The following AATF variants were observed in gnomAD, a reference collection of about 807,000 sequenced individuals.
AATF encodes apoptosis antagonizing transcription factor, also known as protein AATF.
AATF carries 48 observed loss-of-function variants against 63.7 expected under a neutral mutation model. The ratio of observed to expected loss-of-function variants is 0.75; its 90% confidence interval spans 0.60 to 0.96. The LOEUF is 0.96. Among genes scored for constraint, AATF ranks in the 40% least tolerant of loss-of-function variants. The pLI, the probability that AATF is intolerant of heterozygous loss-of-function variation, is 0.00. For synonymous variants in AATF, 258 were observed against 247.7 expected, an observed-to-expected ratio of 1.04 and a Z score of -0.39; for missense variants, 639 against 685.7, an observed-to-expected ratio of 0.93 and a Z score of 0.76.
intron 4 of AATF, among the ~76,000 whole-genome samples, chr17:36,954,273 G>T (rs2070882013): frequency 6.6e-6 from 1 of 151,800 alleles, no homozygotes; most frequent in African/African-American, 2.4e-5. Context: ...GTAGAGACAG[G>T]GTCTCACTGT....
intron 4 of AATF, among the ~76,000 whole-genome samples, chr17:36,977,687 C>A (rs1017854416): frequency 6.6e-6 from 1 of 152,072 alleles, no homozygotes; most frequent in Non-Finnish European, 1.5e-5. Flanking sequence ...ATGAAAGTAT[C>A]CGCACTCTCC....
At chr17:37,042,595 T>TC (rs1041226992) in intron 11 of AATF, among the ~76,000 whole-genome samples, 1 of 149,780 alleles carries the variant, frequency 6.7e-6, no homozygotes, top group African/African-American at 2.5e-5. Context: ...TTTTTTTTTT[T>TC]CCTGTAGAGA....
intron 8 of AATF, among the ~76,000 whole-genome samples, chr17:36,998,279 T>G (rs1446463968): frequency 6.6e-6 from 1 of 152,202 alleles, no homozygotes; most frequent in Non-Finnish European, 1.5e-5. Flanking sequence ...ATTTTAAAGT[T>G]GGATAGCGTC....
At chr17:36,958,121 C>T (rs1451886077) in intron 4 of AATF, among the ~76,000 whole-genome samples, 1 of 152,014 alleles carries the variant, frequency 6.6e-6, no homozygotes, top group Non-Finnish European at 1.5e-5. Context: ...TTTCTGTGCA[C>T]AAAACCATTT....
At chr17:37,018,433 T>C (rs149320014) in intron 8 of AATF, among the ~76,000 whole-genome samples, 1 of 152,362 alleles carries the variant, frequency 6.6e-6, no homozygotes, top group East Asian at 1.9e-4. Context: ...ATGAATGTGT[T>C]GGTATCATGT....
At chr17:37,034,841 GA>G (rs1199867565) in intron 11 of AATF, 1 of 152,078 alleles carries the variant, frequency 6.6e-6, no homozygotes, top group African/African-American at 2.4e-5. Flanking sequence ...AATCAAAAAA[GA>G]AGGTCGGGCA....
At chr17:36,964,927 C>T (rs1300069740) in intron 4 of AATF, among the ~76,000 whole-genome samples, 2 of 152,110 alleles carry the variant, frequency 1.3e-5, no homozygotes, top group Non-Finnish European at 2.9e-5. Flanking sequence ...CTACCGCTTT[C>T]GGGTTTTCAG....
At chr17:36,972,455 A>C (rs761066952) in intron 4 of AATF, among the ~76,000 whole-genome samples, 7 of 152,214 alleles carry the variant, frequency 4.6e-5, no homozygotes, top group Non-Finnish European at 8.8e-5. Context: ...TTCTGGCTTC[A>C]CACCCATTTG....
At chr17:37,011,464 G>A (rs571895322) in intron 8 of AATF, among the ~76,000 whole-genome samples, 4 of 152,166 alleles carry the variant, frequency 2.6e-5, no homozygotes, top group African/African-American at 7.2e-5. Flanking sequence ...GGACAAATTC[G>A]TGAATATAAG....
chr17:37,012,348 C>T (rs1258768580), intron 8 of AATF, among the ~76,000 whole-genome samples: 4 of 152,148 alleles, frequency 2.6e-5, no homozygotes, highest in Non-Finnish European at 4.4e-5. Context: ...CCACCACACC[C>T]GGCCCTTTTG....
rs961222897 is a variant in AATF at position 37,010,834 on chromosome 17, G to A, written c.1399-8171G>A. Among the ~76,000 whole-genome samples, 8 of 152,310 alleles carry A rather than the reference G, an allele frequency of 5.3e-5. No individual in the cohort carries two copies. The South Asian group carries it at 6.2e-4, about 12-fold the overall frequency. ...TGTGAGGGCCCACGGAGCATTTCAC[G>A]TACAGAATGAAGCCTGGTGGGCCTG... On this transcript the variant is annotated intron_variant, in intron 8 of 11. Transcript: ENST00000619387.
At chr17:37,050,640 G>T (rs9897327) in intron 11 of AATF, among the ~76,000 whole-genome samples, 9,550 of 152,200 alleles carry the variant, frequency 0.063, 441 homozygotes, top group African/African-American at 0.13. Context: ...TTTCAGATCG[G>T]ATCCAGACCC....
At chr17:36,954,424 C>T (rs2070883127) in intron 4 of AATF, among the ~76,000 whole-genome samples, 1 of 152,100 alleles carries the variant, frequency 6.6e-6, no homozygotes, top group African/African-American at 2.4e-5. Flanking sequence ...GGTTGAAAAC[C>T]CACTGATGTA....
At chr17:37,036,614 A>G (rs985937495) in intron 11 of AATF, among the ~76,000 whole-genome samples, 2 of 152,076 alleles carry the variant, frequency 1.3e-5, no homozygotes, top group African/African-American at 2.4e-5. Context: ...TAAAAAAAAA[A>G]ACCTTTTAAA....
rs1357736040 is a variant in AATF, at chr17:36,986,731, G to A, written c.947G>A (p.Ser316Asn). 1 of 1,610,678 alleles carries A rather than the reference G, an allele frequency of 6.2e-7. No individual in the cohort carries two copies. Among genetic ancestry groups the A allele is most frequent in the Admixed American group, 1.7e-5 (1 of 60,002 alleles). ...LVDGTKPNAG[S>N]EEISSEDDEL... ...GATGGGACAAAGCCCAATGCGGGAA[G>A]GTAAGAGAACAGAATCATGGAGTTG... is the stretch of plus-strand genomic sequence containing the variant. Residue 316 changes from serine to asparagine, a missense_variant and splice_region_variant, in exon 5 of 12, where the codon AGT becomes AAT. Physicochemically the swap from Ser to Asn is conservative, Grantham distance 46. Transcript: ENST00000619387.
At chr17:36,994,840 A>C (rs2071242049) in intron 8 of AATF, among the ~76,000 whole-genome samples, 2 of 152,244 alleles carry the variant, frequency 1.3e-5, no homozygotes, top group African/African-American at 4.8e-5. Flanking sequence ...GGGAAGGACC[A>C]GGATTTGCTA....
intron 4 of AATF, among the ~76,000 whole-genome samples, chr17:36,958,517 G>T (rs2070920478): frequency 6.6e-6 from 1 of 152,006 alleles, no homozygotes; most frequent in African/African-American, 2.4e-5. Context: ...TTATGTTGGT[G>T]GCAATGATAT....
intron 8 of AATF, among the ~76,000 whole-genome samples, chr17:36,998,364 G>A (rs567582097): frequency 1.3e-5 from 2 of 152,324 alleles, no homozygotes; most frequent in Admixed American, 6.5e-5. Flanking sequence ...CATGACTGTT[G>A]TAAGATTTAC....
chr17:37,029,904 T>C (rs1196721145), intron 10 of AATF, among the ~76,000 whole-genome samples: 2 of 152,014 alleles, frequency 1.3e-5, no homozygotes, highest in Non-Finnish European at 2.9e-5. Context: ...GGTCTTGCTA[T>C]GTTGCCCAGG....
Sources: allele counts gnomAD v4.1 joint callset (sites outside exome capture counted in the v4.1 genomes callset), GRCh38; gene constraint gnomAD v4.1.1; transcripts MANE v1.5; gene names NCBI Gene and HGNC (gene_info 2026-07-23, HGNC 2026-07-21).